The following ABCB5 variants were observed in gnomAD, a reference collection of about 807,000 sequenced individuals.
The protein encoded by ABCB5 is ATP binding cassette subfamily B member 5.
Under a neutral mutation model 144.2 loss-of-function variants are expected in ABCB5, and 155 were observed. The observed-to-expected ratio is 1.08, with a 90% confidence interval of 0.94 to 1.23. The LOEUF (loss-of-function observed/expected upper bound fraction) is 1.23, where lower values mean the gene tolerates loss of function less well. ABCB5 is among the 50% of genes most tolerant of loss of function. ABCB5 has a pLI of 0.00. For synonymous variants in ABCB5, 610 were observed against 528.6 expected, an observed-to-expected ratio of 1.15 and a Z score of -2.11; for missense variants, 1,830 against 1,520.8, an observed-to-expected ratio of 1.20 and a Z score of -3.38.
At chr7:20,705,681 G>A (rs1017387402) in intron 20 of ABCB5, among the ~76,000 whole-genome samples, 2 of 152,120 alleles carry the variant, frequency 1.3e-5, no homozygotes, top group African/African-American at 2.4e-5. Flanking sequence ...TTCTGTTTAG[G>A]AATACTGAGA....
At chr7:20,731,369 A>AAAAAATAT (rs57305244) in intron 23 of ABCB5, among the ~76,000 whole-genome samples, 71 of 123,068 alleles carry the variant, frequency 5.8e-4, no homozygotes, top group African/African-American at 2.3e-3. Context: ...AAAAAAAAAA[A>AAAAAATAT]ATATATATAT....
intron 23 of ABCB5, among the ~76,000 whole-genome samples, chr7:20,738,218 T>C (rs1402721534): frequency 6.6e-6 from 1 of 152,224 alleles, no homozygotes. Flanking sequence ...CTAAGATGCA[T>C]TGTTTTGCAT....
At chr7:20,720,662 G>A (rs1352047386) in intron 20 of ABCB5, among the ~76,000 whole-genome samples, 2 of 152,088 alleles carry the variant, frequency 1.3e-5, no homozygotes, top group Non-Finnish European at 2.9e-5. Flanking sequence ...TAAGAATGAA[G>A]AGGCCAGGCG....
At chr7:20,630,270 T>C (rs1784010424) in intron 4 of ABCB5, among the ~76,000 whole-genome samples, 1 of 152,174 alleles carries the variant, frequency 6.6e-6, no homozygotes, top group African/African-American at 2.4e-5. Context: ...ACCCAGACTG[T>C]CTTTTCATCA....
intron 14 of ABCB5, chr7:20,667,363 C>CT (rs1337957132): frequency 2.0e-6 from 2 of 985,144 alleles, no homozygotes; most frequent in Non-Finnish European, 1.2e-6. Context: ...AAGAAGGTCT[C>CT]TAACAATATA....
chr7:20,694,978 A>G (rs1786358088), intron 16 of ABCB5, among the ~76,000 whole-genome samples: 2 of 152,036 alleles, frequency 1.3e-5, no homozygotes, highest in African/African-American at 4.8e-5. Context: ...GATATTTTCA[A>G]TGTGAGTGAA....
intron 20 of ABCB5, among the ~76,000 whole-genome samples, chr7:20,717,432 T>C (rs1167024574): frequency 6.8e-6 from 1 of 147,454 alleles, no homozygotes; most frequent in Non-Finnish European, 1.5e-5. Context: ...GTGTCCAGAT[T>C]TCCTCTTTTT....
chr7:20,661,364 C>T (rs930199653), intron 14 of ABCB5, among the ~76,000 whole-genome samples: 3 of 152,144 alleles, frequency 2.0e-5, no homozygotes, highest in Non-Finnish European at 4.4e-5. Context: ...TCCACTTGAA[C>T]GTAAACTCTC....
At chr7:20,690,875 G>T (rs1340048129) in intron 16 of ABCB5, among the ~76,000 whole-genome samples, 1 of 152,056 alleles carries the variant, frequency 6.6e-6, no homozygotes, top group East Asian at 1.9e-4. Flanking sequence ...ACAGAAGAAG[G>T]AAGAGATCAT....
At position 20,686,741 on chromosome 7, in the gene ABCB5, C is replaced by G. The variant is rs140213981; in HGVS notation, c.2010+905C>G. Among the ~76,000 whole-genome samples, 491 of 152,228 alleles carry G rather than the reference C, an allele frequency of 3.2e-3. 2 individuals are homozygous for G. Among genetic ancestry groups the G allele is most frequent in the African/African-American group, 0.011 (461 of 41,544 alleles). ...GCATCCATACCATCTCACACCTATC[C>G]TTGGCCCATTGTTTCCTCCCAAACT... On this transcript the variant is annotated intron_variant, in intron 16 of 27. Transcript: ENST00000404938.
intron 27 of ABCB5, 36 bp from the exon 28 acceptor site, chr7:20,755,391 C>T: frequency 6.3e-7 from 1 of 1,598,780 alleles, no homozygotes; most frequent in South Asian, 1.1e-5. Flanking sequence ...TAACATCTAA[C>T]TCAAACTGGT....
At chr7:20,707,860 G>C (rs1000656115) in intron 20 of ABCB5, among the ~76,000 whole-genome samples, 3 of 138,824 alleles carry the variant, frequency 2.2e-5, no homozygotes, top group African/African-American at 8.2e-5. Flanking sequence ...CTGGAATGCA[G>C]TGGCGCGATC....
In ABCB5 at chr7:20,681,550, A is replaced by G. The variant is rs757701613; in HGVS notation, c.1753A>G (p.Thr585Ala). 9 of 1,614,220 alleles carry G rather than the reference A, an allele frequency of 5.6e-6. No homozygotes were observed. The highest frequency in any genetic ancestry group is 2.2e-5 in the South Asian group (2 of 91,080). ...AATCGTGGTAGCACACCGACTTTCT[A>G]CTATTCGAAGTGCAGATTTGATTGT... The part of the protein sequence containing the change: ...TTIVVAHRLS[T>A]IRSADLIVTL... Residue 585 changes from threonine (T) to alanine (A), a missense_variant, in exon 15 of 28, where the codon ACT (threonine) becomes GCT (alanine). By Grantham distance (58) the Thr-to-Ala change is moderately conservative (BLOSUM62 0). Transcript: ENST00000404938.
Position 20,755,706 on chromosome 7 carries a change from C to A in ABCB5, c.*82C>A. On this transcript the variant is annotated 3_prime_UTR_variant, in exon 28 of 28. Coordinates refer to ENST00000404938, the MANE Select transcript of ABCB5 (RefSeq NM_001163941.2). ...ATAATTACTTGGCAAGCTTTGATCT[C>A]TTTTATTGCATATATCAATACCTAG... The A allele has an allele frequency of 7.9e-7, 1 of 1,270,482 alleles. No homozygotes were observed. Among genetic ancestry groups the A allele is most frequent in the Non-Finnish European group, 1.1e-6 (1 of 895,084 alleles). 78.7% of individuals were successfully genotyped at this position (1,270,482 alleles called of 1,614,324 possible).
chr7:20,647,782 G>A, intron 10 of ABCB5, 134 bp downstream of exon 10: 2 of 1,371,590 alleles, frequency 1.5e-6, no homozygotes, highest in Non-Finnish European at 2.0e-6. Flanking sequence ...GGGAAAGAGA[G>A]ACTGCCTTTA....
At chr7:20,664,898 G>A (rs1282409832) in intron 14 of ABCB5, among the ~76,000 whole-genome samples, 2 of 152,046 alleles carry the variant, frequency 1.3e-5, no homozygotes, top group Non-Finnish European at 2.9e-5. Flanking sequence ...AATACCAGCT[G>A]GGCAACATAG....
In ABCB5 at chr7:20,688,216, TA is replaced by T. The variant is rs374566539; in HGVS notation, c.2010+2384del. ...TCAAAAAACAAACCAAAAAACAAAA[TA>T]AAATAAAATAAAATAAACAAAGATC... On this transcript the variant is annotated intron_variant, in intron 16 of 27. Transcript: ENST00000404938. Among the ~76,000 whole-genome samples, 567 of 150,810 alleles carry T rather than the reference TA, an allele frequency of 3.8e-3. 3 individuals carry two copies. Among genetic ancestry groups the T allele is most frequent in the African/African-American group, 0.013 (538 of 41,028 alleles).
chr7:20,666,861 C>T (rs1785213907), intron 14 of ABCB5: 1 of 1,390,636 alleles, frequency 7.2e-7, no homozygotes, highest in East Asian at 2.7e-5. Flanking sequence ...CTAATCTTTA[C>T]ACTAATTCTG....
chr7:20,683,131 C>T (rs1035320401), intron 15 of ABCB5, among the ~76,000 whole-genome samples: 1 of 152,068 alleles, frequency 6.6e-6, no homozygotes, highest in Non-Finnish European at 1.5e-5. Flanking sequence ...AGTTATGAGC[C>T]TCCATCTCCT....
Sources: allele counts gnomAD v4.1 joint callset (sites outside exome capture counted in the v4.1 genomes callset), GRCh38; gene constraint gnomAD v4.1.1; transcripts MANE v1.5; gene names NCBI Gene and HGNC (gene_info 2026-07-23, HGNC 2026-07-21).